PCDHGA9: variants seen among roughly 807,000 people sequenced by gnomAD.
PCDHGA9 encodes the protein protocadherin gamma-A9.
Under a neutral mutation model 62.5 loss-of-function variants are expected in PCDHGA9, and 37 were observed. The observed-to-expected ratio is 0.59, with a 90% CI of 0.46 to 0.78. The LOEUF (loss-of-function observed/expected upper bound fraction) is 0.78. Ranked by LOEUF, PCDHGA9 falls within the 30% of genes least tolerant of loss-of-function variation. PCDHGA9 has a pLI of 0.00. For missense variants in PCDHGA9, 1,138 were observed against 1,166.2 expected, an observed-to-expected ratio of 0.98 and a Z score of 0.35; for synonymous variants, 459 against 484.6, an observed-to-expected ratio of 0.95 and a Z score of 0.69.
intron 1 of PCDHGA9, chr5:141,415,308 C>G (rs2154545628): frequency 6.2e-7 from 1 of 1,614,236 alleles, no homozygotes; most frequent in Non-Finnish European, 8.5e-7. Context: ...TCCTGGCCTT[C>G]GTCATCGTGC....
Position 141,505,229 on chromosome 5 carries a change from G to T in PCDHGA9, c.2484-164G>T, listed in dbSNP as rs116169437. 9.5e-4 allele frequency: 809 copies of T among 847,460 alleles called. 6 individuals carry two copies. In the African/African-American group the frequency reaches 0.013, roughly 13 times the overall value. 52.5% of individuals were successfully genotyped at this position (847,460 alleles called of 1,614,324 possible). ...TGAGGGACTGACTTGTGGGATTCTG[G>T]CTTCTGAAGGATTGTAGAAGTGCCT... On this transcript the variant is annotated intron_variant, in intron 2 of 3. Coordinates refer to ENST00000573521, the MANE Select transcript of PCDHGA9 (RefSeq NM_018921.3).
chr5:141,457,877 C>A (rs1488774514), intron 1 of PCDHGA9, among the ~76,000 whole-genome samples: 1 of 152,196 alleles, frequency 6.6e-6, no homozygotes, highest in Admixed American at 6.6e-5. Context: ...AGGTTAGGAA[C>A]CCTGTGTGGG....
intron 1 of PCDHGA9, among the ~76,000 whole-genome samples, chr5:141,407,274 A>G (rs763803896): frequency 2.0e-5 from 3 of 152,232 alleles, no homozygotes; most frequent in Non-Finnish European, 2.9e-5. Context: ...GCAACAAGAA[A>G]ATTGTTACAA....
chr5:141,408,699 CAATT>C (rs778787749), intron 1 of PCDHGA9: 9 of 1,613,534 alleles, frequency 5.6e-6, no homozygotes, highest in Non-Finnish European at 6.8e-6. Flanking sequence ...AACATAAACT[CAATT>C]AAAGATTATA....
At chr5:141,475,071 C>T (rs1198043142) in intron 1 of PCDHGA9, among the ~76,000 whole-genome samples, 2 of 152,198 alleles carry the variant, frequency 1.3e-5, no homozygotes, top group Non-Finnish European at 2.9e-5. Context: ...AGCTTTGCTG[C>T]CATTATTTCA....
chr5:141,511,537 A>G lies in PCDHGA9; in HGVS notation c.*364A>G. 2 of 319,256 alleles carry G rather than the reference A, an allele frequency of 6.3e-6. No individual in the cohort carries two copies. Among genetic ancestry groups the G allele is most frequent in the South Asian group, 3.3e-5 (1 of 29,854 alleles). 19.8% of individuals were successfully genotyped at this position (319,256 alleles called of 1,614,324 possible). A position where few individuals can be genotyped will look rare whatever the true frequency, so the allele number is the denominator to read the frequency against. On this transcript the variant is annotated 3_prime_UTR_variant, in exon 4 of 4. Coordinates refer to ENST00000573521, the MANE Select transcript of PCDHGA9 (RefSeq NM_018921.3). ...TCCATCCCATGCCTCCCTCCTCCCC[A>G]CCCCACTCCAACAGTTCCTCTTTCC... is the stretch of plus-strand genomic sequence containing the variant.
At chr5:141,423,852 G>T (rs796757517) in intron 1 of PCDHGA9, 36 of 1,279,400 alleles carry the variant, frequency 2.8e-5, no homozygotes, top group Non-Finnish European at 3.5e-5. Context: ...CTTTCAGAAC[G>T]TTTTTGTGAA....
chr5:141,422,556 G>T, intron 1 of PCDHGA9: 1 of 1,613,908 alleles, frequency 6.2e-7, no homozygotes, highest in South Asian at 1.1e-5. Context: ...GGCTGAATGT[G>T]GCAGATGACA....
At chr5:141,461,242 T>G (rs1246270739) in intron 1 of PCDHGA9, among the ~76,000 whole-genome samples, 1 of 152,170 alleles carries the variant, frequency 6.6e-6, no homozygotes, top group Non-Finnish European at 1.5e-5. Context: ...TGTACTAATT[T>G]ATATTCCCAG....
chr5:141,432,611 T>C lies in PCDHGA9; in HGVS notation c.2424+27235T>C, dbSNP rs141541670. On this transcript the variant is annotated intron_variant, in intron 1 of 3. Transcript: ENST00000573521. This position sits in a 1 kb window ranked among gnomAD's most constrained non-coding sequence, Gnocchi z 6.0. ...CAAGGCCAGCGAGCCGGGACTCTTC[T>C]CGGTGGGTCTGCACACGGGCGAGGT... The C allele has an allele frequency of 2.5e-6, 4 of 1,613,860 alleles. No homozygotes were observed. In the South Asian group the frequency reaches 4.4e-5, roughly 18 times the overall value.
In PCDHGA9 at chr5:141,417,959, C is replaced by T. The variant is rs759279387; in HGVS notation, c.2424+12583C>T. 7.4e-6 allele frequency: 12 copies of T among 1,613,616 alleles called. No homozygotes were observed. The highest frequency in any genetic ancestry group is 4.0e-5 in the African/African-American group (3 of 74,932). On this transcript the variant is annotated intron_variant, in intron 1 of 3. Coordinates refer to ENST00000573521, the MANE Select transcript of PCDHGA9 (RefSeq NM_018921.3). The stretch of plus-strand genomic sequence containing the variant: ...CTACCCCACGCTGTGTGAGCCGATC[C>T]GCTACTCGATTCCGGAGGAGCTGGC...
intron 1 of PCDHGA9, chr5:141,423,468 A>G (rs1474468597): frequency 6.2e-7 from 1 of 1,613,960 alleles, no homozygotes; most frequent in Admixed American, 1.7e-5. Flanking sequence ...TGGACGGGGT[A>G]CAGGCTTTCC....
intron 1 of PCDHGA9, among the ~76,000 whole-genome samples, chr5:141,458,909 T>G (rs548847649): frequency 6.6e-6 from 1 of 152,192 alleles, no homozygotes; most frequent in African/African-American, 2.4e-5. Context: ...TTTTTTCTAT[T>G]TTTTGTGGAG....
In PCDHGA9 at chr5:141,476,718, C is replaced by T; in HGVS notation, c.2425-18089C>T. On this transcript the variant is annotated intron_variant, in intron 1 of 3. Transcript: ENST00000573521. The surrounding 1 kb of genome is among the most constrained non-coding windows in gnomAD (Gnocchi z 7.6). ...TACGCGGAGCTGGTGTTGGAGCGCG[C>T]CCTGGACCGAGAACGGGAGCCTAGT... The T allele has an allele frequency of 1.2e-6, 2 of 1,614,144 alleles. No individual in the cohort carries two copies. The highest frequency in any genetic ancestry group is 2.2e-5 in the East Asian group (1 of 44,874).
At chr5:141,448,921 G>A (rs1323304761) in intron 1 of PCDHGA9, among the ~76,000 whole-genome samples, 3 of 152,120 alleles carry the variant, frequency 2.0e-5, no homozygotes, top group Admixed American at 1.3e-4. Flanking sequence ...CTCCAGCCTG[G>A]GCGACAGAGC....
rs1481171398 is a variant in PCDHGA9 at position 141,455,879 on chromosome 5, ATTT to A, written c.2425-38927_2425-38925del. 3.8e-4 allele frequency among the ~76,000 whole-genome samples: 56 copies of A among 147,786 alleles called. No individual in the cohort carries two copies. In the East Asian group the frequency reaches 8.9e-3, roughly 23 times the overall value. On this transcript the variant is annotated intron_variant, in intron 1 of 3. Coordinates refer to ENST00000573521, the MANE Select transcript of PCDHGA9 (RefSeq NM_018921.3). ...TCTTTTATTATTTATTTATTTATTTATTTATTTATTTATTTATTTATTTATTTA... is the reference window on the plus strand; with the variant it reads ...TCTTTTATTATTTATTTATTTATTTAATTTATTTATTTATTTATTTATTTA...
chr5:141,445,334 A>G (rs1337991795), intron 1 of PCDHGA9, among the ~76,000 whole-genome samples: 1 of 152,224 alleles, frequency 6.6e-6, no homozygotes, highest in African/African-American at 2.4e-5. Context: ...ATCCAGAAAC[A>G]GTAAACATTG....
chr5:141,465,273 G>A (rs949271610), intron 1 of PCDHGA9, among the ~76,000 whole-genome samples: 1 of 152,068 alleles, frequency 6.6e-6, no homozygotes, highest in Non-Finnish European at 1.5e-5. Context: ...TAGCCATTTA[G>A]TTCACCCCTA....
intron 3 of PCDHGA9, among the ~76,000 whole-genome samples, chr5:141,508,789 A>C: frequency 1.4e-5 from 2 of 145,944 alleles, no homozygotes; most frequent in African/African-American, 2.6e-5. Context: ...CCCCTAAATC[A>C]CTCTGGAATC....
Sources: allele counts gnomAD v4.1 joint callset (sites outside exome capture counted in the v4.1 genomes callset), GRCh38; gene constraint gnomAD v4.1.1; non-coding constraint Gnocchi (gnomAD v3.1); transcripts MANE v1.5; gene names NCBI Gene and HGNC (gene_info 2026-07-23, HGNC 2026-07-21).